Variants in PLCB1 observed in about 807,000 individuals in gnomAD.
PLCB1 encodes 1-phosphatidylinositol 4,5-bisphosphate phosphodiesterase beta-1.
In PLCB1, 46 loss-of-function variants were observed where a neutral mutation model predicts 161.8. That is an observed-to-expected ratio of 0.28 (90% CI 0.22 to 0.36). PLCB1 has a LOEUF of 0.36. Among genes scored for constraint, PLCB1 ranks in the 10% least tolerant of loss-of-function variants. The pLI is 1.00. For synonymous variants in PLCB1, 517 were observed against 503.7 expected, an observed-to-expected ratio of 1.03 and a Z score of -0.35; for missense variants, 1,016 against 1,472.5, an observed-to-expected ratio of 0.69 and a Z score of 5.07.
chr20:8,717,975 G>T, intron 14 of PLCB1, 127 bp downstream of exon 14: 1 of 767,136 alleles, frequency 1.3e-6, no homozygotes, highest in South Asian at 2.8e-5. Flanking sequence ...TGGATTATGA[G>T]GTCAGGAGTT....
At chr20:8,345,699 G>T (rs1005411175) in intron 2 of PLCB1, among the ~76,000 whole-genome samples, 31 of 152,194 alleles carry the variant, frequency 2.0e-4, no homozygotes, top group African/African-American at 7.5e-4. Context: ...GGGCAAGGTG[G>T]AGGCAATGGG....
chr20:8,851,896 G>A (rs971812867), intron 31 of PLCB1, among the ~76,000 whole-genome samples: 4 of 152,192 alleles, frequency 2.6e-5, no homozygotes, highest in Non-Finnish European at 5.9e-5. Flanking sequence ...AGTGTTCATA[G>A]AAGCACCACA....
chr20:8,840,865 G>A (rs1235013947), intron 31 of PLCB1, among the ~76,000 whole-genome samples: 1 of 152,050 alleles, frequency 6.6e-6, no homozygotes, highest in East Asian at 1.9e-4. Context: ...TCACCCAGCT[G>A]GAGTGCAGTG....
rs190820576 is a variant in PLCB1 at position 8,630,040 on chromosome 20, C to A, written c.384+1609C>A. 1.3e-3 allele frequency among the ~76,000 whole-genome samples: 159 copies of A among 119,332 alleles called. 1 individual carries two copies. In the Admixed American group the frequency reaches 0.014, roughly 11 times the overall value. The allele number at this position is 119,332 out of a possible 152,430, so 78.3% of individuals were successfully genotyped here. A position where few individuals can be genotyped will look rare whatever the true frequency, so the allele number is the denominator to read the frequency against. ...TCTTCTTTCCTTTCTTTCCTCTCTT[C>A]TTTCCTTTCTTTCCTTTCTTTCTTT... is the stretch of plus-strand genomic sequence containing the variant. On this transcript the variant is annotated intron_variant, in intron 4 of 31. Coordinates refer to ENST00000338037, the MANE Select transcript of PLCB1 (RefSeq NM_015192.4).
chr20:8,389,900 T>C (rs776192116), intron 3 of PLCB1, among the ~76,000 whole-genome samples: 18 of 152,294 alleles, frequency 1.2e-4, no homozygotes, highest in Admixed American at 2.6e-4. Context: ...GATTCCAGTG[T>C]TCAACCAAGT....
chr20:8,267,538 A>G (rs1045584709), intron 2 of PLCB1, among the ~76,000 whole-genome samples: 5 of 151,754 alleles, frequency 3.3e-5, no homozygotes, highest in African/African-American at 1.2e-4. Flanking sequence ...CCTGAGAGTC[A>G]CTCTCAAGAA....
At chr20:8,442,976 T>C (rs538538537) in intron 3 of PLCB1, among the ~76,000 whole-genome samples, 1 of 148,988 alleles carries the variant, frequency 6.7e-6, no homozygotes, top group East Asian at 1.9e-4. Context: ...AGTTTCTTGT[T>C]TTTTTTTTTG....
chr20:8,467,954 T>G lies in PLCB1; in HGVS notation c.246+96504T>G, dbSNP rs80086670. The stretch of plus-strand genomic sequence containing the variant: ...TTTTCCTATTTATCTTTCAAATATA[T>G]AAGCTTCTACTTAGCAATATGAAAT... On this transcript the variant is annotated intron_variant, in intron 3 of 31. Transcript: ENST00000338037. 9.8e-3 allele frequency among the ~76,000 whole-genome samples: 1,486 copies of G among 152,290 alleles called. 28 individuals carry two copies. The highest frequency in any genetic ancestry group is 0.034 in the African/African-American group (1,413 of 41,568).
At chr20:8,246,776 T>C (rs1484744888) in intron 2 of PLCB1, among the ~76,000 whole-genome samples, 1 of 151,982 alleles carries the variant, frequency 6.6e-6, no homozygotes, top group Admixed American at 6.6e-5. Flanking sequence ...ATAGTTTTTA[T>C]CTTTTAATTT....
chr20:8,336,067 C>T (rs750262568), intron 2 of PLCB1, among the ~76,000 whole-genome samples: 121 of 152,200 alleles, frequency 8.0e-4, no homozygotes, highest in Non-Finnish European at 1.4e-3. Context: ...AAAAGTAGTC[C>T]AAGGGGATGC....
At chr20:8,771,900 T>C (rs1600313874) in intron 26 of PLCB1, among the ~76,000 whole-genome samples, 2 of 17,284 alleles carry the variant, frequency 1.2e-4, no homozygotes, top group Admixed American at 6.6e-4. Context: ...TTCCTTCCTT[T>C]CGACAGGGTC....
intron 1 of PLCB1, among the ~76,000 whole-genome samples, chr20:8,142,265 C>T (rs950839163): frequency 1.3e-5 from 2 of 152,148 alleles, no homozygotes; most frequent in African/African-American, 4.8e-5. Flanking sequence ...CAGTCATGCT[C>T]CTATGAGACC....
chr20:8,586,909 A>G (rs988981739), intron 3 of PLCB1, among the ~76,000 whole-genome samples: 2 of 152,162 alleles, frequency 1.3e-5, no homozygotes, highest in Admixed American at 6.6e-5. Flanking sequence ...AAGTAAGTAC[A>G]CCATGGAATC....
At chr20:8,407,311 A>G (rs932496075) in intron 3 of PLCB1, among the ~76,000 whole-genome samples, 1 of 152,206 alleles carries the variant, frequency 6.6e-6, no homozygotes, top group African/African-American at 2.4e-5. Context: ...AGAGTACAAT[A>G]TGGAAAAAGG....
At chr20:8,666,260 G>C (rs1195977324) in intron 9 of PLCB1, among the ~76,000 whole-genome samples, 2 of 151,938 alleles carry the variant, frequency 1.3e-5, no homozygotes, top group African/African-American at 4.8e-5. Flanking sequence ...CTCTACTGTT[G>C]TTTCATAGGG....
intron 23 of PLCB1, among the ~76,000 whole-genome samples, chr20:8,755,344 A>G (rs555185177): frequency 3.3e-5 from 5 of 152,314 alleles, no homozygotes; most frequent in Admixed American, 1.3e-4. Context: ...CCAAAATGTC[A>G]CAATGTTAGG....
At chr20:8,549,482 A>G (rs1985696170) in intron 3 of PLCB1, among the ~76,000 whole-genome samples, 1 of 152,172 alleles carries the variant, frequency 6.6e-6, no homozygotes, top group Non-Finnish European at 1.5e-5. Flanking sequence ...CTCACCTTGA[A>G]TTGTAATGAT....
chr20:8,254,114 A>G (rs1314186883), intron 2 of PLCB1, among the ~76,000 whole-genome samples: 1 of 152,002 alleles, frequency 6.6e-6, no homozygotes, highest in African/African-American at 2.4e-5. Flanking sequence ...GAATAGTGCT[A>G]TATTGTACAC....
At chr20:8,733,807 TAATAATAATAA>T (rs1163876101) in intron 19 of PLCB1, among the ~76,000 whole-genome samples, 1 of 146,622 alleles carries the variant, frequency 6.8e-6, no homozygotes. Flanking sequence ...ATAATAATAA[TAATAATAATAA>T]TAATAATAAA....
Sources: allele counts gnomAD v4.1 joint callset (sites outside exome capture counted in the v4.1 genomes callset), GRCh38; gene constraint gnomAD v4.1.1; transcripts MANE v1.5; gene names NCBI Gene and HGNC (gene_info 2026-07-23, HGNC 2026-07-21).